CASK: variants seen among roughly 807,000 people sequenced by gnomAD.
The protein encoded by CASK is peripheral plasma membrane protein CASK.
CASK carries 4 observed loss-of-function variants against 82.9 expected under a neutral mutation model. The observed-to-expected ratio is 0.05, with a 90% confidence interval of 0.02 to 0.11. CASK has a LOEUF of 0.11. Among genes scored for constraint, CASK ranks in the 10% least tolerant of loss-of-function variants. The pLI is 1.00. For synonymous variants in CASK, 259 were observed against 253.5 expected (o/e 1.02, Z -0.20); for missense variants, 358 against 720.9 (o/e 0.50, Z 5.76).
intron 1 of CASK, among the ~76,000 whole-genome samples, chrX:41,901,284 C>T (rs1187136629): frequency 1.8e-5 from 2 of 111,047 alleles, no homozygotes; most frequent in African/African-American, 6.6e-5. Flanking sequence ...GCTTGGGCAA[C>T]TTGAAGAAAC....
At position 41,888,584 on chromosome X, in the gene CASK, A is replaced by G. The variant is rs749791128; in HGVS notation, c.59+34346T>C. ...TTCCATCAAGGTTGCTGCAAATGCCATTATTTCATTCCTTTTTATGGCTGA... is the reference window on the plus strand; with the variant it reads ...TTCCATCAAGGTTGCTGCAAATGCCGTTATTTCATTCCTTTTTATGGCTGA... On this transcript the variant is annotated intron_variant, in intron 1 of 26. Coordinates refer to ENST00000378163, the MANE Select transcript of CASK (RefSeq NM_001367721.1). Among the ~76,000 whole-genome samples, 3 of 108,719 alleles carry G rather than the reference A, an allele frequency of 2.8e-5. No homozygotes were observed. The Admixed American group carries it at 3.0e-4, about 11-fold the overall frequency. The allele number at this position is 108,719 out of a possible 115,157, so 94.4% of individuals were successfully genotyped here. A position where few individuals can be genotyped will look rare whatever the true frequency, so the allele number is the denominator to read the frequency against.
At chrX:41,549,724 C>T (rs1388211745) in intron 21 of CASK, among the ~76,000 whole-genome samples, 1 of 109,794 alleles carries the variant, frequency 9.1e-6, no homozygotes, top group Non-Finnish European at 1.9e-5. Flanking sequence ...CCTGTAATCC[C>T]AGCTACTTGG....
At chrX:41,806,650 T>C (rs1043639822) in intron 2 of CASK, among the ~76,000 whole-genome samples, 1 of 111,800 alleles carries the variant, frequency 8.9e-6, no homozygotes, top group Non-Finnish European at 1.9e-5. Context: ...CCTGGAGCTT[T>C]AAAAAGAAAA....
chrX:41,567,954 C>G (rs1388752238), intron 16 of CASK, among the ~76,000 whole-genome samples: 5 of 109,789 alleles, frequency 4.6e-5, no homozygotes, highest in African/African-American at 1.7e-4. Flanking sequence ...ATGGATGAAG[C>G]TGGAAACCAT....
chrX:41,884,354 A>C (rs1258771122), intron 1 of CASK, among the ~76,000 whole-genome samples: 1 of 112,108 alleles, frequency 8.9e-6, no homozygotes, highest in African/African-American at 3.2e-5. Flanking sequence ...GACCTAATTG[A>C]GAGGACTGTA....
intron 12 of CASK, among the ~76,000 whole-genome samples, chrX:41,600,848 A>G (rs1268417121): frequency 1.8e-5 from 2 of 112,024 alleles, no homozygotes; most frequent in Non-Finnish European, 3.8e-5. Context: ...ATCAACCACA[A>G]AACATCAATA....
chrX:41,546,935 A>T (rs1448354441), intron 21 of CASK, among the ~76,000 whole-genome samples: 2 of 107,404 alleles, frequency 1.9e-5, no homozygotes, highest in Non-Finnish European at 3.9e-5. Context: ...TTTATTATTT[A>T]TTTATTTATT....
rs753172505 is a variant in CASK at position 41,578,511 on chromosome X, G to A, written c.1332C>T (p.His444=). The A allele has an allele frequency of 1.2e-5, 14 of 1,202,081 alleles. No individual in the cohort carries two copies. The African/African-American group carries it at 1.8e-4, about 15-fold the overall frequency. Reference sequence around the variant, plus strand: ...TGTAAACTTCATGTGCCACTACGTCGTGAGTCTGAAGTAAGGCCTAGTGTT... The same window carrying A: ...TGTAAACTTCATGTGCCACTACGTCATGAGTCTGAAGTAAGGCCTAGTGTT... ...QPHFMALLQT[H]DVVAHEVYSD... Residue 444 remains histidine (H), a synonymous_variant, in exon 15 of 27, where the codon CAC becomes CAT. Transcript: ENST00000378163.
chrX:41,692,413 A>G (rs748855634), intron 5 of CASK, among the ~76,000 whole-genome samples: 3 of 111,821 alleles, frequency 2.7e-5, no homozygotes, highest in Non-Finnish European at 5.6e-5. Flanking sequence ...AAAGAACCCA[A>G]TTGGTGGTAG....
At chrX:41,742,138 T>C (rs1161163043) in intron 4 of CASK, among the ~76,000 whole-genome samples, 1 of 111,947 alleles carries the variant, frequency 8.9e-6, no homozygotes, top group Non-Finnish European at 1.9e-5. Context: ...AGGATTACTA[T>C]GGTAAGTAGA....
At position 41,515,669 on chromosome X, in the gene CASK, A is replaced by G. The variant is rs763429493; in HGVS notation, c.*4751T>C. 1.8e-5 allele frequency: 2 copies of G among 110,942 alleles called. No homozygotes were observed. Among genetic ancestry groups the G allele is most frequent in the Non-Finnish European group, 3.8e-5 (2 of 52,864 alleles). The allele number at this position is 110,942 out of a possible 1,213,427, so 9.1% of individuals were successfully genotyped here. A position where few individuals can be genotyped will look rare whatever the true frequency, so the allele number is the denominator to read the frequency against. ...CTAAGACTGGAAATCAATTCCCCCA[A>G]TTCTTGGTCTCTTCCAAATAAAAAA... is the stretch of plus-strand genomic sequence containing the variant. On this transcript the variant is annotated 3_prime_UTR_variant, in exon 27 of 27. Coordinates refer to ENST00000378163, the MANE Select transcript of CASK (RefSeq NM_001367721.1).
At chrX:41,558,499 A>T (rs1365571695) in intron 18 of CASK, 2 of 111,671 alleles carry the variant, frequency 1.8e-5, no homozygotes, top group African/African-American at 6.5e-5. Flanking sequence ...TTTCTTCAAC[A>T]GATGAGAAAT....
At chrX:41,753,885 C>CT (rs2068841553) in intron 3 of CASK, among the ~76,000 whole-genome samples, 1 of 111,441 alleles carries the variant, frequency 9.0e-6, no homozygotes, top group Admixed American at 9.6e-5. Context: ...GACCTCATCT[C>CT]TAAAAAAGTA....
In CASK at chrX:41,794,801, GA is replaced by G. The variant is rs773751094; in HGVS notation, c.173-7519del. 2.4e-4 allele frequency among the ~76,000 whole-genome samples: 27 copies of G among 111,875 alleles called. No individual in the cohort carries two copies. The South Asian group carries it at 3.3e-3, about 14-fold the overall frequency. Reference sequence around the variant, plus strand: ...ATGGGAATTCAACTAATATGTCAAAGAAAAAAAATGTTCTTCACATACCTGT... The same window carrying G: ...ATGGGAATTCAACTAATATGTCAAAGAAAAAAATGTTCTTCACATACCTGT... On this transcript the variant is annotated intron_variant, in intron 2 of 26. Coordinates refer to ENST00000378163, the MANE Select transcript of CASK (RefSeq NM_001367721.1).
chrX:41,691,957 C>T (rs183552801), intron 5 of CASK, among the ~76,000 whole-genome samples: 224 of 108,347 alleles, frequency 2.1e-3, no homozygotes, highest in Non-Finnish European at 3.5e-3. Context: ...TGCTATGTTG[C>T]CTTGGCTGGC....
At chrX:41,765,140 C>T (rs1434633609) in intron 3 of CASK, among the ~76,000 whole-genome samples, 3 of 111,979 alleles carry the variant, frequency 2.7e-5, no homozygotes, top group Non-Finnish European at 5.6e-5. Context: ...GACCTAGTGA[C>T]CTTACAATGA....
chrX:41,785,120 C>T (rs1320777657), intron 3 of CASK, among the ~76,000 whole-genome samples: 1 of 105,562 alleles, frequency 9.5e-6, no homozygotes, highest in African/African-American at 3.5e-5. Flanking sequence ...GATTCTCCAA[C>T]CTCAGCCTCC....
chrX:41,852,483 A>T (rs960534810), intron 2 of CASK, among the ~76,000 whole-genome samples: 4 of 111,893 alleles, frequency 3.6e-5, no homozygotes, highest in Non-Finnish European at 5.7e-5. Flanking sequence ...TCACAGTTAC[A>T]TGAAACTATG....
At position 41,892,480 on chromosome X, in the gene CASK, G is replaced by A. The variant is rs187662659; in HGVS notation, c.59+30450C>T. Among the ~76,000 whole-genome samples the A allele has an allele frequency of 1.2e-4, 13 of 109,991 alleles. 1 individual carries two copies. In the East Asian group the frequency reaches 3.7e-3, roughly 32 times the overall value. ...CCCGCATAGCTGGGACTACAGGCAC[G>A]CGTCACCACACCCAGCTAAATTTTT... On this transcript the variant is annotated intron_variant, in intron 1 of 26. Transcript: ENST00000378163.
Sources: allele counts gnomAD v4.1 joint callset (sites outside exome capture counted in the v4.1 genomes callset), GRCh38; gene constraint gnomAD v4.1.1; transcripts MANE v1.5; gene names NCBI Gene and HGNC (gene_info 2026-07-23, HGNC 2026-07-21).